NBPF8: variants seen among roughly 807,000 people sequenced by gnomAD.
NBPF8 encodes NBPF member 8.
chr1:120,468,079 A>G (rs1333236976), downstream of NBPF8, among the ~76,000 whole-genome samples: 298 of 151,502 alleles, frequency 2.0e-3, 1 homozygote, highest in Non-Finnish European at 3.6e-3. Flanking sequence ...CACACTTCTA[A>G]TATTTGGTTT....
intron 2 of NBPF8, among the ~76,000 whole-genome samples, chr1:120,427,102 G>T (rs1660748004): frequency 7.9e-6 from 1 of 126,680 alleles, no homozygotes; most frequent in South Asian, 2.3e-4. Flanking sequence ...GTTGTTTTGT[G>T]TGTCAAAAGT....
At chr1:120,460,722 T>C in intron 18 of NBPF8, 98 bp downstream of exon 16, 1 of 950,108 alleles carries the variant, frequency 1.1e-6, no homozygotes. Context: ...GATTTTGTCT[T>C]GTCAGACAAG....
intron 3 of NBPF8, among the ~76,000 whole-genome samples, chr1:120,430,475 C>A (rs1269263549): frequency 9.2e-6 from 1 of 108,388 alleles, no homozygotes; most frequent in Admixed American, 8.0e-5. Context: ...ATTCAACAGA[C>A]GGGGCACCGT....
At position 120,460,635 on chromosome 1, in the gene NBPF8, G is replaced by A; in HGVS notation, n.2836+11G>A. ...GGCAACAGGTCCCAGGTGAGTCTGA[G>A]AAATTGTGGACAGTTAATTTGATGT... On this transcript the variant is annotated intron_variant and non_coding_transcript_variant, in intron 18 of 24. Transcript: ENST00000583271. The A allele has an allele frequency of 1.7e-6, 2 of 1,205,710 alleles. No individual in the cohort carries two copies. Among genetic ancestry groups the A allele is most frequent in the Non-Finnish European group, 2.4e-6 (2 of 821,346 alleles). The allele number at this position is 1,205,710 out of a possible 1,614,324, so 74.7% of individuals were successfully genotyped here. A position where few individuals can be genotyped will look rare whatever the true frequency, so the allele number is the denominator to read the frequency against.
At chr1:120,419,383 C>T (rs1322137585), upstream of NBPF8, among the ~76,000 whole-genome samples, 1 of 152,198 alleles carries the variant, frequency 6.6e-6, no homozygotes, top group Non-Finnish European at 1.5e-5. Context: ...CCCACACACT[C>T]TTAATTCCCT....
chr1:120,423,082 C>A (rs2101479052), intron 1 of NBPF8, among the ~76,000 whole-genome samples: 1 of 126,662 alleles, frequency 7.9e-6, no homozygotes, highest in Admixed American at 7.6e-5. Context: ...CTTGCTTTTT[C>A]CATTCTCTTA....
At chr1:120,460,813 T>C (rs1303808415) in intron 18 of NBPF8, among the ~76,000 whole-genome samples, 189 bp downstream of exon 16, 2 of 151,976 alleles carry the variant, frequency 1.3e-5, no homozygotes, top group Non-Finnish European at 2.9e-5. Flanking sequence ...ACCCTTATCA[T>C]TTACTAACCT....
chr1:120,462,773 T>C, intron 20 of NBPF8, 21 bp from the exon 19 acceptor site: 1 of 258,226 alleles, frequency 3.9e-6, no homozygotes, highest in South Asian at 2.4e-5. Context: ...GCTTATTCTT[T>C]ACTTTTTCCT....
At chr1:120,435,806 C>T (rs1181228598), upstream of NBPF8, among the ~76,000 whole-genome samples, 1 of 151,388 alleles carries the variant, frequency 6.6e-6, no homozygotes, top group African/African-American at 2.4e-5. Context: ...GCAGAGCTTG[C>T]AGTGAGCCTA....
downstream of NBPF8, among the ~76,000 whole-genome samples, chr1:120,468,859 T>A (rs1661824623): frequency 6.6e-6 from 1 of 151,494 alleles, no homozygotes; most frequent in African/African-American, 2.4e-5. Context: ...TAGTGTTTCC[T>A]GCTCCCTCTG....
At chr1:120,428,648 G>C (rs1660787455) in intron 3 of NBPF8, among the ~76,000 whole-genome samples, 1 of 152,176 alleles carries the variant, frequency 6.6e-6, no homozygotes, top group African/African-American at 2.4e-5. Context: ...GCAGCCGACA[G>C]TGGCTGATGC....
At chr1:120,452,871 T>C (rs1373880196) in intron 13 of NBPF8, among the ~76,000 whole-genome samples, 2 of 152,140 alleles carry the variant, frequency 1.3e-5, no homozygotes, top group South Asian at 2.1e-4. Context: ...GGGCGTTTTG[T>C]GGTAGGAAGT....
upstream of NBPF8, among the ~76,000 whole-genome samples, chr1:120,435,718 T>C (rs1661053326): frequency 6.6e-6 from 1 of 151,416 alleles, no homozygotes; most frequent in Non-Finnish European, 1.5e-5. Context: ...AAAGAAAAAT[T>C]AGCCAGGCGT....
intron 1 of NBPF8, among the ~76,000 whole-genome samples, chr1:120,420,389 A>G (rs78268502): frequency 0.36 from 39,128 of 107,440 alleles, 8,559 homozygotes; most frequent in African/African-American, 0.57. Context: ...AGCTAGATCT[A>G]CATCCCACTC....
At chr1:120,456,439 T>A (rs1661438856) in intron 16 of NBPF8, among the ~76,000 whole-genome samples, 1 of 132,882 alleles carries the variant, frequency 7.5e-6, no homozygotes, top group Non-Finnish European at 1.6e-5. Flanking sequence ...TTTATAAATC[T>A]GGGTGCTCCT....
At chr1:120,446,199 A>T (rs1661156663) in intron 8 of NBPF8, among the ~76,000 whole-genome samples, 1 of 150,578 alleles carries the variant, frequency 6.6e-6, no homozygotes, top group Non-Finnish European at 1.5e-5. Context: ...AAGAACAGAG[A>T]TGGGAAACCC....
At chr1:120,418,783 A>T (rs2101412846), upstream of NBPF8, among the ~76,000 whole-genome samples, 1 of 148,318 alleles carries the variant, frequency 6.7e-6, no homozygotes, top group Non-Finnish European at 1.5e-5. Flanking sequence ...CCTGGGCTCA[A>T]ATGACCCTCC....
upstream of NBPF8, among the ~76,000 whole-genome samples, chr1:120,416,575 C>T (rs1553245229): frequency 2.1e-3 from 94 of 44,224 alleles, 3 homozygotes; most frequent in African/African-American, 0.015. Context: ...AGTGCACTCC[C>T]TCCTGGGTGG....
At chr1:120,462,392 T>C (rs1340613224) in intron 20 of NBPF8, among the ~76,000 whole-genome samples, 195 bp downstream of exon 18, 1 of 148,938 alleles carries the variant, frequency 6.7e-6, no homozygotes, top group Non-Finnish European at 1.5e-5. Flanking sequence ...ACTAACTTAC[T>C]ATAGGTTGAC....
Sources: gnomAD v4.1 joint callset for allele counts (sites outside exome capture counted in the v4.1 genomes callset) on GRCh38, gnomAD v4.1.1 for gene constraint, MANE v1.5 for transcripts, NCBI Gene and HGNC (gene_info 2026-07-23, HGNC 2026-07-21) for gene names.